The following USP42 variants were observed in gnomAD, a reference collection of about 807,000 sequenced individuals.
The protein encoded by USP42 is ubiquitin specific peptidase 42.
A neutral mutation model predicts 113.0 loss-of-function variants in USP42; 23 were observed. The observed-to-expected ratio is 0.20, with a 90% CI of 0.15 to 0.29. USP42 has a LOEUF of 0.29. Ranked by LOEUF, USP42 falls within the 10% of genes least tolerant of loss-of-function variation. The pLI is 1.00. For synonymous variants in USP42, 933 were observed against 699.0 expected (o/e 1.33, Z -5.28); for missense variants, 2,174 against 1,779.8 (o/e 1.22, Z -3.99).
rs369951067 is a variant in USP42, at chr7:6,150,313, G to A, written c.2106+11G>A. 7.0e-5 allele frequency: 113 copies of A among 1,612,130 alleles called. No homozygotes were observed. In the African/African-American group the frequency reaches 1.1e-3, roughly 16 times the overall value. On this transcript the variant is annotated intron_variant, in intron 13 of 17. Transcript: ENST00000306177. ...GGTCTTCCTGGAAAGGTGAGTGCAC[G>A]TCAGGGTCTTCAGCCTCGTTTGTGG...
At chr7:6,089,709 A>T in the USP42 span, among the ~76,000 whole-genome samples, 1 of 148,662 alleles carries the variant, frequency 6.7e-6, no homozygotes, top group Non-Finnish European at 1.5e-5. Flanking sequence ...ATTTTTTTGT[A>T]TTTAGTAGAG....
In USP42 at chr7:6,149,943, C is replaced by G; in HGVS notation, c.1747C>G (p.Pro583Ala). ...TTCTAGTAAAGTAACAAAACCGATC[C>G]CCCGCAGTGAATCCTGCTCCCAGCC... ...SVSSKVTKPI[P>A]RSESCSQPVM... Residue 583 changes from proline to alanine, a missense_variant, in exon 13 of 18, where the codon CCC becomes GCC. By Grantham distance (27) the Pro-to-Ala change is conservative. Coordinates refer to ENST00000306177, the MANE Select transcript of USP42 (RefSeq NM_032172.3). 6.2e-7 allele frequency: 1 copy of G among 1,613,960 alleles called. No homozygotes were observed.
intron 4 of USP42, among the ~76,000 whole-genome samples, chr7:6,137,613 C>T (rs1160918138): frequency 6.6e-6 from 1 of 152,160 alleles, no homozygotes; most frequent in African/African-American, 2.4e-5. Context: ...CCGTCTTGGC[C>T]TCCCAAAGTG....
rs745800908 is a variant in USP42 at position 6,154,074 on chromosome 7, G to T, written c.2520G>T (p.Ala840=). The T allele has an allele frequency of 8.1e-6, 13 of 1,606,098 alleles. No homozygotes were observed. Among genetic ancestry groups the T allele is most frequent in the Non-Finnish European group, 1.1e-5 (13 of 1,179,248 alleles). The change falls in exon 15 of 18, where the codon GCG becomes GCT. Residue 840 remains alanine, a synonymous_variant. Transcript: ENST00000306177. ...CCCAGGACGCAAAGGGGATGATCGCGGAGGGCCCGCGGGACTCGGCGTTGG... is the reference window on the plus strand; with the variant it reads ...CCCAGGACGCAAAGGGGATGATCGCTGAGGGCCCGCGGGACTCGGCGTTGG... ...PLSQDAKGMI[A]EGPRDSALAE...
At chr7:6,107,652 G>C (rs1035202411) in intron 1 of USP42, among the ~76,000 whole-genome samples, 5 of 151,910 alleles carry the variant, frequency 3.3e-5, no homozygotes, top group African/African-American at 1.2e-4. Context: ...CAGGTGATCT[G>C]CCCGCCTCGT....
the USP42 span, among the ~76,000 whole-genome samples, chr7:6,096,471 T>G: frequency 1.3e-5 from 2 of 151,242 alleles, no homozygotes; most frequent in African/African-American, 2.5e-5. Context: ...GTGATGGGAA[T>G]GAAGCTATAA....
At chr7:6,083,645 A>G in the USP42 span, among the ~76,000 whole-genome samples, 10 of 150,886 alleles carry the variant, frequency 6.6e-5, no homozygotes, top group African/African-American at 2.0e-4. Context: ...ACCAGAATAT[A>G]TAAGTATATA....
At chr7:6,153,688 TG>T (rs1324424824) in intron 14 of USP42, 67 bp from the exon 15 acceptor site, 2 of 1,401,116 alleles carry the variant, frequency 1.4e-6, no homozygotes, top group African/African-American at 3.0e-5. Flanking sequence ...TATTTGTCCT[TG>T]TAATGCAATG....
chr7:6,092,501 A>AT, the USP42 span, among the ~76,000 whole-genome samples: 1 of 150,926 alleles, frequency 6.6e-6, no homozygotes, highest in African/African-American at 2.5e-5. Context: ...TTCAAGTGCC[A>AT]TTTCTGTTGT....
chr7:6,116,810 C>T (rs1186788101), intron 3 of USP42: 5 of 533,184 alleles, frequency 9.4e-6, no homozygotes, highest in South Asian at 7.0e-5. Flanking sequence ...AATTCATTCC[C>T]CACAGACAGC....
chr7:6,150,567 A>G, intron 14 of USP42, 61 bp downstream of exon 14: 1 of 1,386,030 alleles, frequency 7.2e-7, no homozygotes, highest in South Asian at 1.2e-5. Flanking sequence ...AGTAGCCTCC[A>G]GATGTGTCAG....
In USP42 at chr7:6,140,872, G is replaced by T. The variant is rs1781392597; in HGVS notation, c.725-42G>T. 2.7e-6 allele frequency: 3 copies of T among 1,128,230 alleles called. No homozygotes were observed. The South Asian group carries it at 4.3e-5, about 16-fold the overall frequency. 69.9% of individuals were successfully genotyped at this position (1,128,230 alleles called of 1,614,324 possible). A position where few individuals can be genotyped will look rare whatever the true frequency, so the allele number is the denominator to read the frequency against. On this transcript the variant is annotated intron_variant, in intron 6 of 17. Coordinates refer to ENST00000306177, the MANE Select transcript of USP42 (RefSeq NM_032172.3). Reference sequence around the variant, plus strand: ...TTTCAGTAGTTGATGTTGCTGTAATGATTATACTTTGCTCATCTTTTGCAT... The same window carrying T: ...TTTCAGTAGTTGATGTTGCTGTAATTATTATACTTTGCTCATCTTTTGCAT...
rs1782489235 is a variant in USP42 at position 6,156,966 on chromosome 7, T to C, written c.3854T>C (p.Leu1285Pro). Residue 1285 changes from leucine to proline, a missense_variant, in exon 16 of 18, where the codon CTG becomes CCG. By Grantham distance (98) the Leu-to-Pro change is moderately conservative (BLOSUM62 -3). Transcript: ENST00000306177. ...TTTCCTCTCTCTGGTGGCCCGCCTC[T>C]GGAAGGCGTCGGACCTTTCCGTGAG... is the stretch of plus-strand genomic sequence containing the variant. ...GGFPLSGGPP[L>P]EGVGPFREKT... 1.2e-6 allele frequency: 2 copies of C among 1,613,894 alleles called. No individual in the cohort carries two copies. Among genetic ancestry groups the C allele is most frequent in the Non-Finnish European group, 1.7e-6 (2 of 1,179,826 alleles).
upstream of USP42, among the ~76,000 whole-genome samples, chr7:6,102,724 T>C (rs977381483): frequency 1.3e-5 from 2 of 150,516 alleles, no homozygotes; most frequent in East Asian, 2.0e-4. Context: ...GGTACTGGAA[T>C]TGAGGAGTGT....
At chr7:6,112,361 A>G (rs1779642231) in intron 2 of USP42, among the ~76,000 whole-genome samples, 1 of 152,140 alleles carries the variant, frequency 6.6e-6, no homozygotes, top group Non-Finnish European at 1.5e-5. Context: ...AGGCAGGAGA[A>G]TCGCATGAAC....
intron 1 of USP42, among the ~76,000 whole-genome samples, chr7:6,108,055 G>C (rs1300240251): frequency 6.6e-6 from 1 of 152,028 alleles, no homozygotes; most frequent in Admixed American, 6.6e-5. Context: ...GTGGTGGCAC[G>C]CACCTGTAGT....
At chr7:6,110,313 C>T (rs1029650552) in intron 1 of USP42, among the ~76,000 whole-genome samples, 1 of 152,016 alleles carries the variant, frequency 6.6e-6, no homozygotes, top group African/African-American at 2.4e-5. Flanking sequence ...TTTTATAGGC[C>T]CTGGGGATTC....
the USP42 span, chr7:6,093,062 T>A: frequency 6.6e-6 from 1 of 150,646 alleles, no homozygotes; most frequent in South Asian, 2.1e-4. Flanking sequence ...TGTGGGCTGC[T>A]GGGACAAGTC....
At chr7:6,141,591 C>T (rs558509027) in intron 7 of USP42, among the ~76,000 whole-genome samples, 2 of 151,290 alleles carry the variant, frequency 1.3e-5, no homozygotes, top group African/African-American at 2.4e-5. Context: ...TGGAGTCTTG[C>T]TCCATTGCCC....
Sources: allele counts gnomAD v4.1 joint callset (sites outside exome capture counted in the v4.1 genomes callset), GRCh38; gene constraint gnomAD v4.1.1; transcripts MANE v1.5; gene names NCBI Gene and HGNC (gene_info 2026-07-23, HGNC 2026-07-21).